BPNT2: variants seen among roughly 807,000 people sequenced by gnomAD.
The protein encoded by BPNT2 is 3'(2'), 5'-bisphosphate nucleotidase 2.
A neutral mutation model predicts 29.3 loss-of-function variants in BPNT2; 11 were observed. The ratio of observed to expected loss-of-function variants is 0.38; its 90% confidence interval spans 0.24 to 0.62. The LOEUF (loss-of-function observed/expected upper bound fraction) is 0.62. Ranked by LOEUF, BPNT2 falls within the 20% of genes least tolerant of loss-of-function variation. The pLI, the probability that BPNT2 is intolerant of heterozygous loss-of-function variation, is 0.62. For synonymous variants in BPNT2, 195 were observed against 187.7 expected, an observed-to-expected ratio of 1.04 and a Z score of -0.32; for missense variants, 459 against 473.4, an observed-to-expected ratio of 0.97 and a Z score of 0.28.
intron 2 of BPNT2, among the ~76,000 whole-genome samples, chr8:56,979,264 A>G (rs531718499): frequency 2.0e-5 from 3 of 152,080 alleles, no homozygotes; most frequent in Non-Finnish European, 4.4e-5. Flanking sequence ...AACTTTTAAT[A>G]AAAAAAATCA....
chr8:56,979,367 T>C (rs1806202078), intron 2 of BPNT2, among the ~76,000 whole-genome samples: 1 of 152,202 alleles, frequency 6.6e-6, no homozygotes, highest in Admixed American at 6.5e-5. Flanking sequence ...GGAGAACTTT[T>C]TATGAACAAA....
intron 1 of BPNT2, among the ~76,000 whole-genome samples, chr8:56,981,308 T>C (rs1291007541): frequency 6.6e-6 from 1 of 152,254 alleles, no homozygotes; most frequent in Non-Finnish European, 1.5e-5. Context: ...GGCTCACGCC[T>C]GTAATCCCAG....
intron 1 of BPNT2, among the ~76,000 whole-genome samples, chr8:56,991,474 T>C (rs1563412838): frequency 6.6e-6 from 1 of 152,234 alleles, no homozygotes; most frequent in Non-Finnish European, 1.5e-5. Context: ...TACTTTTGTT[T>C]TTACTTAAAA....
chr8:56,974,493 C>G (rs1806096022), intron 3 of BPNT2, among the ~76,000 whole-genome samples: 1 of 152,162 alleles, frequency 6.6e-6, no homozygotes, highest in Non-Finnish European at 1.5e-5. Context: ...TAGCTAAATT[C>G]TGGTAAACAT....
chr8:56,970,212 C>A (rs557078088), intron 3 of BPNT2, among the ~76,000 whole-genome samples: 1 of 152,232 alleles, frequency 6.6e-6, no homozygotes, highest in East Asian at 1.9e-4. Context: ...AGGTCATGAA[C>A]ACTTTAATCA....
intron 2 of BPNT2, 98 bp downstream of exon 2, chr8:56,979,937 A>G: frequency 8.9e-7 from 1 of 1,126,544 alleles, no homozygotes; most frequent in African/African-American, 1.5e-5. Context: ...TTTACTGAAC[A>G]ATCAGTGAGC....
intron 3 of BPNT2, among the ~76,000 whole-genome samples, chr8:56,972,284 T>C (rs1164407424): frequency 6.6e-6 from 1 of 152,018 alleles, no homozygotes; most frequent in Non-Finnish European, 1.5e-5. Context: ...GAAGAGCCAC[T>C]AGTGATGCCG....
intron 3 of BPNT2, among the ~76,000 whole-genome samples, chr8:56,973,081 C>G (rs1306731788): frequency 6.6e-6 from 1 of 152,108 alleles, no homozygotes; most frequent in African/African-American, 2.4e-5. Context: ...AACAAGAAGG[C>G]CTGGACAACA....
intron 3 of BPNT2, among the ~76,000 whole-genome samples, chr8:56,974,385 T>TTCAAAC (rs60873273): frequency 0.21 from 31,896 of 151,890 alleles, 3,683 homozygotes; most frequent in East Asian, 0.45. Context: ...TTCTAAGAAT[T>TTCAAAC]TCAAGGAATT....
At position 56,959,637 on chromosome 8, in the gene BPNT2, G is replaced by C. The variant is rs1805794982; in HGVS notation, c.*4156C>G. 1 of 151,834 alleles carries C rather than the reference G, an allele frequency of 6.6e-6. No individual in the cohort carries two copies. Among genetic ancestry groups the C allele is most frequent in the South Asian group, 2.1e-4 (1 of 4,816 alleles). The allele number at this position is 151,834 out of a possible 1,614,324, so 9.4% of individuals were successfully genotyped here. On this transcript the variant is annotated 3_prime_UTR_variant, in exon 5 of 5. Transcript: ENST00000262644. The stretch of plus-strand genomic sequence containing the variant: ...GATTTGTAAAACTGTGATCTATCCT[G>C]GTCTAATATTATTAAAATTAAAAAT...
chr8:56,978,120 A>C lies in BPNT2; in HGVS notation c.576T>G (p.Thr192=), dbSNP rs755652061. The C allele has an allele frequency of 6.2e-7, 1 of 1,611,510 alleles. No individual in the cohort carries two copies. The highest frequency in any genetic ancestry group is 1.1e-5 in the South Asian group (1 of 91,024). ...YTEDLRKYVT[T]MVCVAVNGKP... ...TACCATTTACAGCCACACACACCAT[A>C]GTAGTGACGTACTTTCGAAGATCCT... Residue 192 remains threonine, a synonymous_variant, in exon 3 of 5, where the codon ACT becomes ACG. Transcript: ENST00000262644.
chr8:56,981,502 T>C (rs181958531), intron 1 of BPNT2, among the ~76,000 whole-genome samples: 399 of 152,022 alleles, frequency 2.6e-3, no homozygotes, highest in African/African-American at 9.5e-3. Context: ...GAGGTGGAGG[T>C]TGCAGTGAGC....
intron 2 of BPNT2, among the ~76,000 whole-genome samples, chr8:56,979,320 A>C (rs1378015377): frequency 1.3e-5 from 2 of 152,204 alleles, no homozygotes; most frequent in African/African-American, 4.8e-5. Context: ...GTGCTCACTA[A>C]ATGTTATTAC....
At chr8:56,979,255 A>C (rs183294582) in intron 2 of BPNT2, among the ~76,000 whole-genome samples, 1 of 152,268 alleles carries the variant, frequency 6.6e-6, no homozygotes, top group African/African-American at 2.4e-5. Flanking sequence ...GTATAAATTA[A>C]CTTTTAATAA....
intron 1 of BPNT2, among the ~76,000 whole-genome samples, chr8:56,991,489 A>C (rs889022982): frequency 1.3e-5 from 2 of 152,232 alleles, no homozygotes; most frequent in Admixed American, 1.3e-4. Flanking sequence ...TTAAAAAAAG[A>C]AAAATCAACT....
chr8:56,982,372 C>G (rs1381272750), intron 1 of BPNT2, among the ~76,000 whole-genome samples: 1 of 152,164 alleles, frequency 6.6e-6, no homozygotes, highest in South Asian at 2.1e-4. Context: ...CTGCCCGCCT[C>G]GGCCTCCCAA....
intron 3 of BPNT2, chr8:56,967,171 C>T (rs763198112): frequency 2.2e-6 from 1 of 456,204 alleles, no homozygotes; most frequent in South Asian, 1.5e-5. Context: ...AAGATATAGT[C>T]CACCATGGCT....
At chr8:56,990,673 T>C (rs1806402962) in intron 1 of BPNT2, among the ~76,000 whole-genome samples, 1 of 152,154 alleles carries the variant, frequency 6.6e-6, no homozygotes, top group African/African-American at 2.4e-5. Flanking sequence ...TATAGGATGT[T>C]TACCCTCTAC....
chr8:56,978,171 C>A, intron 2 of BPNT2, 26 bp from the exon 3 acceptor site: 1 of 1,357,800 alleles, frequency 7.4e-7, no homozygotes, highest in African/African-American at 1.4e-5. Flanking sequence ...CAAAACAACA[C>A]ACACAAATGT....
Sources: allele counts gnomAD v4.1 joint callset (sites outside exome capture counted in the v4.1 genomes callset), GRCh38; gene constraint gnomAD v4.1.1; transcripts MANE v1.5; gene names NCBI Gene and HGNC (gene_info 2026-07-23, HGNC 2026-07-21).